The following VWA3A variants were observed in gnomAD, a reference collection of about 807,000 sequenced individuals.
VWA3A encodes the protein von Willebrand factor A domain-containing protein 3A.
In VWA3A, 134 loss-of-function variants were observed where a neutral mutation model predicts 160.4. The ratio of observed to expected loss-of-function variants is 0.84; its 90% CI spans 0.73 to 0.96. VWA3A has a LOEUF of 0.96. VWA3A is among the 40% of genes least tolerant of loss of function. The pLI, the probability that VWA3A is intolerant of heterozygous loss-of-function variation, is 0.00. For synonymous variants in VWA3A, 476 were observed against 543.4 expected (o/e 0.88, Z 1.72); for missense variants, 1,310 against 1,447.9 (o/e 0.90, Z 1.55).
chr16:22,094,069 C>T (rs1347233486), intron 1 of VWA3A, among the ~76,000 whole-genome samples: 2 of 152,090 alleles, frequency 1.3e-5, no homozygotes, highest in African/African-American at 2.4e-5. Context: ...CCATTGCACC[C>T]GGCCCCGTGC....
intron 16 of VWA3A, among the ~76,000 whole-genome samples, chr16:22,124,627 C>T (rs969241900): frequency 1.3e-5 from 2 of 150,924 alleles, no homozygotes; most frequent in Non-Finnish European, 2.9e-5. Flanking sequence ...CTCTTGGCCT[C>T]AAGCGATTCT....
intron 8 of VWA3A, among the ~76,000 whole-genome samples, chr16:22,111,854 T>G (rs7197742): frequency 0.013 from 1,937 of 152,294 alleles, 43 homozygotes; most frequent in African/African-American, 0.044. Context: ...TGGCCTCAAG[T>G]GCTCTTCCAG....
At chr16:22,125,189 G>C (rs1191566086) in intron 16 of VWA3A, among the ~76,000 whole-genome samples, 1 of 148,812 alleles carries the variant, frequency 6.7e-6, no homozygotes, top group East Asian at 2.0e-4. Flanking sequence ...ACCAGCCTGA[G>C]CAACATGGGC....
In VWA3A at chr16:22,144,818, G is replaced by A. The variant is rs568529598; in HGVS notation, c.2730+434G>A. 5.2e-4 allele frequency among the ~76,000 whole-genome samples: 79 copies of A among 152,268 alleles called. 1 individual carries two copies. The South Asian group carries it at 0.014, about 27-fold the overall frequency. On this transcript the variant is annotated intron_variant, in intron 26 of 33. Transcript: ENST00000389398. ...AGTCCGAGCTACTTGGGAGGCTGAGGCGGGAGGATTAGTTGAGTCATGGAG... is the reference window on the plus strand; with the variant it reads ...AGTCCGAGCTACTTGGGAGGCTGAGACGGGAGGATTAGTTGAGTCATGGAG...
chr16:22,143,252 T>C (rs530375825), intron 25 of VWA3A, among the ~76,000 whole-genome samples: 2 of 152,204 alleles, frequency 1.3e-5, no homozygotes, highest in South Asian at 4.2e-4. Flanking sequence ...GGTCTGCCAC[T>C]TCCTGCCTGG....
chr16:22,150,698 G>C lies in VWA3A; in HGVS notation c.3133G>C (p.Ala1045Pro). 1 of 1,607,196 alleles carries C rather than the reference G, an allele frequency of 6.2e-7. No homozygotes were observed. The highest frequency in any genetic ancestry group is 8.5e-7 in the Non-Finnish European group (1 of 1,176,698). ...CAGCCTTCCTGCGTTCTTTCAGAAAGCTTTCAGTTTCCATGATCTGGAAGG... is the reference window on the plus strand; with the variant it reads ...CAGCCTTCCTGCGTTCTTTCAGAAACCTTTCAGTTTCCATGATCTGGAAGG... ...STSILQALLK[A>P]FSFHDLEGLY... Residue 1045 changes from alanine to proline, a missense_variant, in exon 30 of 34, where the codon GCT becomes CCT. Coordinates refer to ENST00000389398, the MANE Select transcript of VWA3A (RefSeq NM_173615.5).
intron 25 of VWA3A, among the ~76,000 whole-genome samples, chr16:22,143,756 T>C (rs1598101561): frequency 6.6e-6 from 1 of 151,464 alleles, no homozygotes; most frequent in African/African-American, 2.4e-5. Flanking sequence ...TTTCTTTTTT[T>C]TTTTTTTTGA....
chr16:22,131,410 T>C (rs913161807), intron 18 of VWA3A, 131 bp downstream of exon 18: 1 of 1,427,524 alleles, frequency 7.0e-7, no homozygotes, highest in African/African-American at 1.4e-5. Context: ...TGGGCAGAAA[T>C]CAGAAAACAG....
At chr16:22,100,112 C>T in intron 3 of VWA3A, 82 bp from the exon 4 acceptor site, 1 of 1,448,354 alleles carries the variant, frequency 6.9e-7, no homozygotes, top group Non-Finnish European at 9.1e-7. Context: ...TGAGTTGGCG[C>T]CCGTTGGGTA....
chr16:22,139,257 G>T (rs62047201), intron 22 of VWA3A, among the ~76,000 whole-genome samples: 1,851 of 152,230 alleles, frequency 0.012, 17 homozygotes, highest in Admixed American at 0.016. Context: ...CAGGCACTTC[G>T]CCCCCTCCTC....
chr16:22,098,102 A>G (rs1487576607), intron 3 of VWA3A, among the ~76,000 whole-genome samples: 1 of 152,186 alleles, frequency 6.6e-6, no homozygotes, highest in African/African-American at 2.4e-5. Flanking sequence ...CTCTGACCAG[A>G]CTACGATTTT....
intron 21 of VWA3A, among the ~76,000 whole-genome samples, chr16:22,134,861 G>A (rs956797199): frequency 3.9e-5 from 6 of 152,136 alleles, no homozygotes; most frequent in African/African-American, 1.4e-4. Context: ...TGGATAGATA[G>A]GATAGATAAA....
chr16:22,097,746 G>A, intron 3 of VWA3A, 51 bp downstream of exon 3: 3 of 1,546,274 alleles, frequency 1.9e-6, no homozygotes, highest in Non-Finnish European at 2.6e-6. Flanking sequence ...ATCATTCAGA[G>A]AATGCACAGT....
rs957750963 is a variant in VWA3A, at chr16:22,133,147, C to T, written c.2068+52C>T. ...AGCTCATTCCAAACAGTTGTCTCAG[C>T]ACCAGCATAGCTCCCTTAGACCACA... is the stretch of plus-strand genomic sequence containing the variant. On this transcript the variant is annotated intron_variant, in intron 20 of 33. Coordinates refer to ENST00000389398, the MANE Select transcript of VWA3A (RefSeq NM_173615.5). 1.2e-5 allele frequency: 19 copies of T among 1,555,712 alleles called. No homozygotes were observed. The African/African-American group carries it at 1.8e-4, about 14-fold the overall frequency.
intron 21 of VWA3A, among the ~76,000 whole-genome samples, chr16:22,134,751 A>G (rs944900850): frequency 6.6e-6 from 1 of 152,202 alleles, no homozygotes; most frequent in African/African-American, 2.4e-5. Context: ...GACTATTGCA[A>G]TAGGGGAGAG....
Position 22,116,828 on chromosome 16 carries a change from C to T in VWA3A, c.885C>T (p.Ile295=), listed in dbSNP as rs2045656361. 1 of 1,613,360 alleles carries T rather than the reference C, an allele frequency of 6.2e-7. No homozygotes were observed. Among genetic ancestry groups the T allele is most frequent in the Non-Finnish European group, 8.5e-7 (1 of 1,179,890 alleles). The change falls in exon 10 of 34, where the codon ATC becomes ATT. Residue 295 remains isoleucine (I), a synonymous_variant. Coordinates refer to ENST00000389398, the MANE Select transcript of VWA3A (RefSeq NM_173615.5). The part of the protein sequence containing the change: ...QQSTMGRDLI[I]HFITYRCDDQ... ...CCACCATGGGAAGAGACCTCATCAT[C>T]CACTTCATCACCTACAGATGCGATG...
chr16:22,143,687 G>C lies in VWA3A; in HGVS notation c.2593-560G>C, dbSNP rs368255908. On this transcript the variant is annotated intron_variant, in intron 25 of 33. Transcript: ENST00000389398. ...GAAGTAACAGTGTCCACTAGACTAG[G>C]GTCTGGGAGGTGCGCGATAGATTTT... Among the ~76,000 whole-genome samples the C allele has an allele frequency of 5.1e-4, 78 of 152,020 alleles. 1 individual carries two copies. In the East Asian group the frequency reaches 0.014, roughly 26 times the overall value.
intron 3 of VWA3A, among the ~76,000 whole-genome samples, chr16:22,099,208 C>T (rs2045371375): frequency 6.6e-6 from 1 of 152,130 alleles, no homozygotes; most frequent in Non-Finnish European, 1.5e-5. Context: ...CTGTATTTCC[C>T]TAGATATGCG....
intron 12 of VWA3A, 147 bp from the exon 13 acceptor site, chr16:22,120,821 T>C (rs1185172916): frequency 1.1e-5 from 10 of 920,088 alleles, no homozygotes; most frequent in Non-Finnish European, 1.4e-5. Context: ...GGGGAGGGGA[T>C]GATGGAAGGG....
Sources: gnomAD v4.1 joint callset for allele counts (sites outside exome capture counted in the v4.1 genomes callset) on GRCh38, gnomAD v4.1.1 for gene constraint, MANE v1.5 for transcripts, NCBI Gene and HGNC (gene_info 2026-07-23, HGNC 2026-07-21) for gene names.